SH3GL2: variants seen among roughly 807,000 people sequenced by gnomAD.
The protein encoded by SH3GL2 is SH3 domain containing GRB2 like 2, endophilin A1.
A neutral mutation model predicts 46.0 loss-of-function variants in SH3GL2; 24 were observed. That is an observed-to-expected ratio of 0.52 (90% CI 0.38 to 0.73). SH3GL2 has a LOEUF of 0.73. Among genes scored for constraint, SH3GL2 ranks in the 30% least tolerant of loss-of-function variants. The probability of loss-of-function intolerance (pLI) is 0.00; values close to 1 mark genes in which losing one functional copy is unlikely to be tolerated. For synonymous variants in SH3GL2, 196 were observed against 147.1 expected, an observed-to-expected ratio of 1.33 and a Z score of -2.40; for missense variants, 413 against 424.2, an observed-to-expected ratio of 0.97 and a Z score of 0.23.
At chr9:17,786,155 A>ATG (rs1823950265) in intron 3 of SH3GL2, among the ~76,000 whole-genome samples, 1 of 151,570 alleles carries the variant, frequency 6.6e-6, no homozygotes, top group Non-Finnish European at 1.5e-5. Flanking sequence ...CCAGAACAGA[A>ATG]TTGCTGTAAT....
At chr9:17,688,239 G>A (rs1323462424) in intron 1 of SH3GL2, among the ~76,000 whole-genome samples, 1 of 151,996 alleles carries the variant, frequency 6.6e-6, no homozygotes, top group Admixed American at 6.6e-5. Context: ...TCACAATGTG[G>A]CAGCCTTTTT....
At position 17,779,078 on chromosome 9, in the gene SH3GL2, G is replaced by A. The variant is rs148921756; in HGVS notation, c.188-7303G>A. ...AGAATCATCAGCTTGCCAACTCAAG[G>A]AGGTGATACAATTGGCCAGACCTGA... On this transcript the variant is annotated intron_variant, in intron 3 of 8. Coordinates refer to ENST00000380607, the MANE Select transcript of SH3GL2 (RefSeq NM_003026.5). Among the ~76,000 whole-genome samples, 120 of 152,132 alleles carry A rather than the reference G, an allele frequency of 7.9e-4. 1 individual carries two copies. Among genetic ancestry groups the A allele is most frequent in the African/African-American group, 2.6e-3 (106 of 41,520 alleles).
intron 1 of SH3GL2, among the ~76,000 whole-genome samples, chr9:17,680,283 A>G (rs1820734088): frequency 1.3e-5 from 2 of 152,158 alleles, no homozygotes; most frequent in Non-Finnish European, 2.9e-5. Flanking sequence ...TTGGCAAGCT[A>G]TTAATTATTG....
At chr9:17,587,008 C>A in intron 1 of SH3GL2, among the ~76,000 whole-genome samples, 1 of 152,102 alleles carries the variant, frequency 6.6e-6, no homozygotes, top group East Asian at 1.9e-4. Flanking sequence ...TTGAGACCAG[C>A]TTGGCCAACA....
intron 3 of SH3GL2, among the ~76,000 whole-genome samples, chr9:17,778,051 C>T (rs1311934883): frequency 3.9e-5 from 6 of 151,944 alleles, no homozygotes; most frequent in Non-Finnish European, 4.4e-5. Flanking sequence ...TTCAGTATAC[C>T]TCTTGGTTAA....
rs368947759 is a variant in SH3GL2, at chr9:17,666,011, C to T, written c.46-81055C>T. ...ATTTGTAACTCCACCGCCTAAGAAA[C>T]ATGGCTTTATTATTCTTAATATACC... On this transcript the variant is annotated intron_variant, in intron 1 of 8. Coordinates refer to ENST00000380607, the MANE Select transcript of SH3GL2 (RefSeq NM_003026.5). Among the ~76,000 whole-genome samples, 27 of 151,304 alleles carry T rather than the reference C, an allele frequency of 1.8e-4. 1 individual carries two copies. In the South Asian group the frequency reaches 5.5e-3, roughly 31 times the overall value.
intron 3 of SH3GL2, among the ~76,000 whole-genome samples, chr9:17,767,913 TTTCTAC>T (rs1823362189): frequency 6.6e-6 from 1 of 152,220 alleles, no homozygotes; most frequent in African/African-American, 2.4e-5. Flanking sequence ...GGCTGGAGGG[TTTCTAC>T]TTCTACATCT....
chr9:17,777,743 A>G (rs1314302989), intron 3 of SH3GL2, among the ~76,000 whole-genome samples: 1 of 152,068 alleles, frequency 6.6e-6, no homozygotes, highest in African/African-American at 2.4e-5. Flanking sequence ...TACCAATCCT[A>G]CTGGATTAGG....
intron 1 of SH3GL2, among the ~76,000 whole-genome samples, chr9:17,677,458 T>C (rs1313753158): frequency 2.0e-5 from 3 of 152,130 alleles, no homozygotes; most frequent in African/African-American, 7.2e-5. Flanking sequence ...AAGCACTTAT[T>C]TGGGGGTCTG....
chr9:17,638,833 T>C (rs557997594), intron 1 of SH3GL2, among the ~76,000 whole-genome samples: 21 of 152,274 alleles, frequency 1.4e-4, no homozygotes, highest in South Asian at 8.3e-4. Flanking sequence ...CCCTTCAGAC[T>C]GGGGGAGGGG....
rs137918007 is a variant in SH3GL2, at chr9:17,688,867, C to T, written c.46-58199C>T. ...TAATAAATGGGGGAGAAGACACATA[C>T]TTCCTGTGCAGAGGAATTGCAAATT... On this transcript the variant is annotated intron_variant, in intron 1 of 8. Coordinates refer to ENST00000380607, the MANE Select transcript of SH3GL2 (RefSeq NM_003026.5). 5.3e-3 allele frequency among the ~76,000 whole-genome samples: 801 copies of T among 152,176 alleles called. 11 individuals carry two copies. Among genetic ancestry groups the T allele is most frequent in the East Asian group, 0.027 (141 of 5,168 alleles).
intron 1 of SH3GL2, among the ~76,000 whole-genome samples, chr9:17,687,229 C>G (rs1399812740): frequency 6.6e-6 from 1 of 151,984 alleles, no homozygotes; most frequent in African/African-American, 2.4e-5. Flanking sequence ...TTTTTTCAAT[C>G]CAATTTCACT....
At chr9:17,779,804 G>A (rs564791007) in intron 3 of SH3GL2, among the ~76,000 whole-genome samples, 2 of 152,252 alleles carry the variant, frequency 1.3e-5, no homozygotes, top group Admixed American at 6.5e-5. Context: ...GCCCAAGACC[G>A]ATTTGCTTGG....
intron 1 of SH3GL2, among the ~76,000 whole-genome samples, chr9:17,658,439 G>T (rs997165673): frequency 2.0e-5 from 3 of 152,076 alleles, no homozygotes; most frequent in Non-Finnish European, 4.4e-5. Context: ...AATTCTGCTG[G>T]GTCATCACAT....
chr9:17,786,635 G>C, intron 4 of SH3GL2, 111 bp downstream of exon 4: 1 of 1,164,960 alleles, frequency 8.6e-7, no homozygotes, highest in Non-Finnish European at 1.3e-6. Context: ...TTGGTTTTCA[G>C]TTTTAGATCC....
chr9:17,760,069 C>G (rs1297697367), intron 2 of SH3GL2, among the ~76,000 whole-genome samples: 2 of 152,144 alleles, frequency 1.3e-5, no homozygotes, highest in Non-Finnish European at 1.5e-5. Flanking sequence ...GTGTACTGCA[C>G]AACTCCAGGG....
At chr9:17,714,160 G>A (rs576729468) in intron 1 of SH3GL2, among the ~76,000 whole-genome samples, 1 of 151,610 alleles carries the variant, frequency 6.6e-6, no homozygotes, top group Non-Finnish European at 1.5e-5. Context: ...CCTTACTATG[G>A]TGTATTTTTT....
chr9:17,777,519 A>G (rs1253317884), intron 3 of SH3GL2, among the ~76,000 whole-genome samples: 2 of 152,194 alleles, frequency 1.3e-5, no homozygotes, highest in African/African-American at 2.4e-5. Context: ...GGCTGCCATA[A>G]CAAAATATCA....
At chr9:17,656,892 A>G (rs1309446722) in intron 1 of SH3GL2, among the ~76,000 whole-genome samples, 2 of 152,140 alleles carry the variant, frequency 1.3e-5, no homozygotes, top group East Asian at 1.9e-4. Flanking sequence ...AAAAATCCAG[A>G]AACACTTAAG....
Sources: gnomAD v4.1 joint callset for allele counts (sites outside exome capture counted in the v4.1 genomes callset) on GRCh38, gnomAD v4.1.1 for gene constraint, MANE v1.5 for transcripts, NCBI Gene and HGNC (gene_info 2026-07-23, HGNC 2026-07-21) for gene names.